The following SENP7 variants were observed in gnomAD, a reference collection of about 807,000 sequenced individuals.
SENP7 encodes the protein sentrin-specific protease 7.
Under a neutral mutation model 141.2 loss-of-function variants are expected in SENP7, and 64 were observed. The ratio of observed to expected loss-of-function variants is 0.45; its 90% CI spans 0.37 to 0.56. The LOEUF (loss-of-function observed/expected upper bound fraction) is 0.56, where lower values mean the gene tolerates loss of function less well. SENP7 is among the 20% of genes least tolerant of loss of function. The probability of loss-of-function intolerance (pLI) is 0.00; values close to 1 mark genes in which losing one functional copy is unlikely to be tolerated. For missense variants in SENP7, 1,025 were observed against 1,212.2 expected (o/e 0.85, Z 2.29); for synonymous variants, 382 against 426.4 (o/e 0.90, Z 1.28).
chr3:101,408,044 C>G (rs1447209846), intron 5 of SENP7, among the ~76,000 whole-genome samples: 2 of 151,762 alleles, frequency 1.3e-5, no homozygotes, highest in African/African-American at 4.8e-5. Context: ...CAATATTAAC[C>G]AAGAAAAGAG....
At chr3:101,396,061 G>T (rs1220648457) in intron 6 of SENP7, among the ~76,000 whole-genome samples, 4 of 152,190 alleles carry the variant, frequency 2.6e-5, no homozygotes, top group African/African-American at 4.8e-5. Context: ...TGTATTAGCA[G>T]TATAGCTAAT....
chr3:101,393,311 G>A (rs562071279), intron 6 of SENP7, among the ~76,000 whole-genome samples: 28 of 152,090 alleles, frequency 1.8e-4, no homozygotes, highest in African/African-American at 6.8e-4. Flanking sequence ...AAAAAGCACA[G>A]GTAACAAAAG....
At position 101,501,063 on chromosome 3, in the gene SENP7, T is replaced by C. The variant is rs775056773; in HGVS notation, c.90+7A>G. 2.3e-5 allele frequency: 37 copies of C among 1,593,632 alleles called. No homozygotes were observed. The highest frequency in any genetic ancestry group is 9.4e-6 in the Non-Finnish European group (11 of 1,164,816). ...GATAATAGGTTAAAAGCAAAACAAA[T>C]GCATACCTCCGATAAATCAGAAGAT... On this transcript the variant is annotated splice_region_variant and intron_variant, in intron 2 of 23. Transcript: ENST00000394095.
intron 3 of SENP7, among the ~76,000 whole-genome samples, chr3:101,481,981 T>C (rs767101763): frequency 3.3e-5 from 5 of 152,066 alleles, no homozygotes; most frequent in Non-Finnish European, 2.9e-5. Flanking sequence ...GAATTTGAAA[T>C]TAAAAACACA....
chr3:101,505,817 G>T (rs954368749), intron 1 of SENP7, among the ~76,000 whole-genome samples: 31 of 152,020 alleles, frequency 2.0e-4, no homozygotes, highest in Admixed American at 1.4e-3. Context: ...CCATATTAAG[G>T]CATTTAGCAT....
intron 4 of SENP7, among the ~76,000 whole-genome samples, chr3:101,437,192 G>C (rs1472443404): frequency 6.6e-6 from 1 of 152,194 alleles, no homozygotes; most frequent in Non-Finnish European, 1.5e-5. Context: ...CATGGACCTA[G>C]AGAGTAGAAG....
intron 4 of SENP7, among the ~76,000 whole-genome samples, chr3:101,430,779 G>T (rs947812746): frequency 1.3e-5 from 2 of 152,100 alleles, no homozygotes; most frequent in Non-Finnish European, 2.9e-5. Flanking sequence ...TGATGTTAGG[G>T]TGTCGATTTT....
chr3:101,428,364 T>C (rs1576318973), intron 4 of SENP7, among the ~76,000 whole-genome samples: 1 of 152,356 alleles, frequency 6.6e-6, no homozygotes, highest in East Asian at 1.9e-4. Flanking sequence ...ATCTGCTGTT[T>C]CCTGACTTTT....
intron 23 of SENP7, 33 bp downstream of exon 23, chr3:101,327,633 G>C (rs767863676): frequency 7.1e-6 from 11 of 1,547,538 alleles, no homozygotes; most frequent in African/African-American, 2.8e-5. Context: ...GGTGGTAACT[G>C]TGAATTAAAA....
intron 3 of SENP7, among the ~76,000 whole-genome samples, chr3:101,481,049 T>C (rs2064453094): frequency 6.7e-6 from 1 of 148,616 alleles, no homozygotes; most frequent in Non-Finnish European, 1.5e-5. Context: ...AGTATAGCTA[T>C]TATGAAAAAC....
intron 4 of SENP7, among the ~76,000 whole-genome samples, chr3:101,436,521 C>T (rs564616861): frequency 5.9e-5 from 9 of 152,228 alleles, no homozygotes; most frequent in Non-Finnish European, 1.3e-4. Context: ...GCAAACTACC[C>T]ATCTGACAAG....
intron 1 of SENP7, among the ~76,000 whole-genome samples, chr3:101,503,622 T>C (rs1432563406): frequency 6.6e-6 from 1 of 151,746 alleles, no homozygotes; most frequent in Admixed American, 6.6e-5. Flanking sequence ...TCAAGAAGAG[T>C]TAAAATAAAC....
chr3:101,385,933 G>A (rs908841477), intron 6 of SENP7, among the ~76,000 whole-genome samples: 2 of 152,150 alleles, frequency 1.3e-5, no homozygotes, highest in Admixed American at 6.5e-5. Flanking sequence ...AAAATAAAAT[G>A]AGCAAAGCCG....
intron 4 of SENP7, among the ~76,000 whole-genome samples, chr3:101,431,561 A>G (rs2062174961): frequency 7.5e-6 from 1 of 133,350 alleles, no homozygotes; most frequent in Non-Finnish European, 1.5e-5. Context: ...ATCTTCCTAC[A>G]TCACTTGAGG....
chr3:101,490,099 C>A (rs7626800), intron 3 of SENP7, among the ~76,000 whole-genome samples: 1 of 151,476 alleles, frequency 6.6e-6, no homozygotes, highest in African/African-American at 2.4e-5. Context: ...TGGGAGAAAT[C>A]GCTTGAATCC....
At chr3:101,430,321 C>CT (rs1299028573) in intron 4 of SENP7, among the ~76,000 whole-genome samples, 1 of 152,060 alleles carries the variant, frequency 6.6e-6, no homozygotes, top group Non-Finnish European at 1.5e-5. Flanking sequence ...TGGTTCTAGA[C>CT]TTTTTTTGGT....
At chr3:101,356,922 T>C (rs759056508) in intron 11 of SENP7, among the ~76,000 whole-genome samples, 1 of 152,198 alleles carries the variant, frequency 6.6e-6, no homozygotes, top group Non-Finnish European at 1.5e-5. Context: ...GAATAAATAC[T>C]CTTCTTCACT....
In SENP7 at chr3:101,458,972, G is replaced by A; in HGVS notation, c.267C>T (p.Ser89=). 6.2e-7 allele frequency: 1 copy of A among 1,603,970 alleles called. No individual in the cohort carries two copies. Among genetic ancestry groups the A allele is most frequent in the African/African-American group, 1.3e-5 (1 of 74,648 alleles). ...TATCTTACCTTTCTGGTGATGACTTGGAAGTAACAGGACACCCTCGGATAT... is the reference window on the plus strand; with the variant it reads ...TATCTTACCTTTCTGGTGATGACTTAGAAGTAACAGGACACCCTCGGATAT... ...KKHIRGCPVT[S]KSSPERQLKV... The change falls in exon 4 of 24, where the codon TCC becomes TCT. Residue 89 remains serine (S), a synonymous_variant. Transcript: ENST00000394095.
Position 101,382,669 on chromosome 3 carries a change from A to C in SENP7, c.678-10543T>G, listed in dbSNP as rs192866882. Among the ~76,000 whole-genome samples, 1,230 of 152,328 alleles carry C rather than the reference A, an allele frequency of 8.1e-3. 6 individuals carry two copies. The highest frequency in any genetic ancestry group is 0.012 in the South Asian group (60 of 4,832). ...ATTTATAATGGAAGGGCAAAAAAAGAATCAGAACTTCAATTAGGAAAGTAA... is the reference window on the plus strand; with the variant it reads ...ATTTATAATGGAAGGGCAAAAAAAGCATCAGAACTTCAATTAGGAAAGTAA... On this transcript the variant is annotated intron_variant, in intron 6 of 23. Coordinates refer to ENST00000394095, the MANE Select transcript of SENP7 (RefSeq NM_020654.5).
Sources: gnomAD v4.1 joint callset for allele counts (sites outside exome capture counted in the v4.1 genomes callset) on GRCh38, gnomAD v4.1.1 for gene constraint, MANE v1.5 for transcripts, NCBI Gene and HGNC (gene_info 2026-07-23, HGNC 2026-07-21) for gene names.